The following IFNAR2 variants were observed in gnomAD, a reference collection of about 807,000 sequenced individuals.
IFNAR2 encodes interferon alpha and beta receptor subunit 2, also known as interferon alpha/beta receptor 2.
A neutral mutation model predicts 49.4 loss-of-function variants in IFNAR2; 30 were observed. That is an observed-to-expected ratio of 0.61 (90% CI 0.45 to 0.82). The LOEUF is 0.82. Among genes scored for constraint, IFNAR2 ranks in the 40% least tolerant of loss-of-function variants. The pLI is 0.00. For missense variants in IFNAR2, 600 were observed against 622.7 expected (o/e 0.96, Z 0.39); for synonymous variants, 224 against 234.5 (o/e 0.96, Z 0.41).
chr21:33,258,901 C>G (rs1988389109), intron 7 of IFNAR2, among the ~76,000 whole-genome samples: 1 of 152,106 alleles, frequency 6.6e-6, no homozygotes, highest in Non-Finnish European at 1.5e-5. Context: ...CATCCACATG[C>G]CTTGAAGTGG....
intron 8 of IFNAR2, 159 bp from the exon 9 acceptor site, chr21:33,262,634 C>T (rs539830617): frequency 6.8e-5 from 70 of 1,029,622 alleles, no homozygotes; most frequent in Non-Finnish European, 1.1e-4. Context: ...CAGTCTGAAA[C>T]TCCTGAGCTC....
intron 1 of IFNAR2, among the ~76,000 whole-genome samples, chr21:33,234,972 A>G (rs1243925223): frequency 6.6e-6 from 1 of 152,244 alleles, no homozygotes; most frequent in East Asian, 1.9e-4. Context: ...TGGATTATTC[A>G]TAAGTTGTCT....
Position 33,263,206 on chromosome 21 carries a change from G to A in IFNAR2, c.1254G>A (p.Gly418=), listed in dbSNP as rs759497419. The change falls in exon 9 of 9, where the codon GGG becomes GGA. Residue 418 remains glycine (G), a synonymous_variant. Coordinates refer to ENST00000342136, the MANE Select transcript of IFNAR2 (RefSeq NM_001289125.3). ...EEDYSSTEGS[G]GRITFNVDLN... ...ACTACAGCTCCACGGAGGGGTCTGGGGGCAGAATTACCTTCAATGTGGACT... is the reference window on the plus strand; with the variant it reads ...ACTACAGCTCCACGGAGGGGTCTGGAGGCAGAATTACCTTCAATGTGGACT... The A allele has an allele frequency of 1.5e-5, 24 of 1,614,056 alleles. No individual in the cohort carries two copies. The Admixed American group carries it at 3.7e-4, about 25-fold the overall frequency.
intron 5 of IFNAR2, 89 bp downstream of exon 5, chr21:33,246,979 G>A: frequency 9.0e-7 from 1 of 1,116,878 alleles, no homozygotes; most frequent in Non-Finnish European, 1.3e-6. Flanking sequence ...CTACAAAGGT[G>A]TTTTAGACCT....
At chr21:33,235,622 A>G (rs1411815324) in intron 1 of IFNAR2, among the ~76,000 whole-genome samples, 1 of 152,148 alleles carries the variant, frequency 6.6e-6, no homozygotes, top group Admixed American at 6.5e-5. Flanking sequence ...TTGCTATTTA[A>G]TATCATTCTA....
rs879854017 is a variant in IFNAR2 at position 33,263,673 on chromosome 21, C to T, written c.*173C>T. ...CTATGCACATTCCCAGTATGGGGAC[C>T]ATAGTATCATTCAGTGCATTGTTTA... On this transcript the variant is annotated 3_prime_UTR_variant, in exon 9 of 9. Transcript: ENST00000342136. The T allele has an allele frequency of 8.1e-6, 5 of 614,532 alleles. No homozygotes were observed. Among genetic ancestry groups the T allele is most frequent in the Non-Finnish European group, 1.4e-5 (5 of 352,434 alleles). 38.1% of individuals were successfully genotyped at this position (614,532 alleles called of 1,614,324 possible).
At position 33,230,374 on chromosome 21, in the gene IFNAR2, A is replaced by G. The variant is rs2123429915; in HGVS notation, c.-84+158A>G. On this transcript the variant is annotated intron_variant, in intron 1 of 8. Transcript: ENST00000342136. The surrounding 1 kb of genome is among the most constrained non-coding windows in gnomAD (Gnocchi z 5.5). ...CCTGCCCTCCCTCTGCGTCTTGAGT[A>G]TGCGGCTAGTGCGCCCTTCCTCTCT... The G allele has an allele frequency of 3.3e-6, 2 of 609,602 alleles. No homozygotes were observed. The highest frequency in any genetic ancestry group is 2.0e-5 in the African/African-American group (1 of 50,312). The allele number at this position is 609,602 out of a possible 1,614,324, so 37.8% of individuals were successfully genotyped here.
chr21:33,233,916 A>G (rs190954220), intron 1 of IFNAR2, among the ~76,000 whole-genome samples: 3 of 152,252 alleles, frequency 2.0e-5, no homozygotes, highest in East Asian at 3.9e-4. Context: ...GCCAAAAAAA[A>G]AAGAAGTCAG....
At chr21:33,252,098 ATC>A (rs1987892978) in intron 6 of IFNAR2, 2 of 454,792 alleles carry the variant, frequency 4.4e-6, no homozygotes, top group Non-Finnish European at 9.1e-6. Context: ...CTATCTATCT[ATC>A]TATCTATCTA....
chr21:33,260,983 C>T (rs1988529671), intron 8 of IFNAR2, among the ~76,000 whole-genome samples: 1 of 146,726 alleles, frequency 6.8e-6, no homozygotes, highest in African/African-American at 2.5e-5. Context: ...CATATATATA[C>T]ATGTGCAGTT....
chr21:33,261,671 T>C (rs1988579298), intron 8 of IFNAR2, among the ~76,000 whole-genome samples: 1 of 151,936 alleles, frequency 6.6e-6, no homozygotes, highest in Admixed American at 6.6e-5. Flanking sequence ...GCCCAGGAGT[T>C]TGAGACCAGC....
chr21:33,244,262 G>A lies in IFNAR2; in HGVS notation c.97+548G>A, dbSNP rs200018495. ...TTCAGTGATCTTTAAAAATTTAACC[G>A]TATAAGGCAGAATTTGGCAAGTCTG... On this transcript the variant is annotated intron_variant, in intron 3 of 8. Coordinates refer to ENST00000342136, the MANE Select transcript of IFNAR2 (RefSeq NM_001289125.3). 1.6e-4 allele frequency among the ~76,000 whole-genome samples: 24 copies of A among 152,258 alleles called. No homozygotes were observed. In the East Asian group the frequency reaches 1.7e-3, roughly 11 times the overall value.
intron 8 of IFNAR2, 38 bp from the exon 9 acceptor site, chr21:33,262,755 T>C: frequency 6.3e-7 from 1 of 1,582,170 alleles, no homozygotes; most frequent in East Asian, 2.2e-5. Context: ...ACAGTACAGC[T>C]GATACGGACT....
chr21:33,235,572 T>TTCCACAG (rs1362767385), intron 1 of IFNAR2, among the ~76,000 whole-genome samples: 2 of 152,210 alleles, frequency 1.3e-5, no homozygotes, highest in African/African-American at 4.8e-5. Flanking sequence ...AAGCCTTTTC[T>TTCCACAG]TCCACAGTCT....
chr21:33,263,425 C>T lies in IFNAR2; in HGVS notation c.1473C>T (p.Ser491=), dbSNP rs769426806. 15 of 1,613,996 alleles carry T rather than the reference C, an allele frequency of 9.3e-6. No individual in the cohort carries two copies. The highest frequency in any genetic ancestry group is 1.3e-5 in the African/African-American group (1 of 74,984). ...GCCCCTCTTCAGAGGGCCTGTGGTCCGAAGATGCTCCATCTGATCAAAGTG... is the reference window on the plus strand; with the variant it reads ...GCCCCTCTTCAGAGGGCCTGTGGTCTGAAGATGCTCCATCTGATCAAAGTG... The part of the protein sequence containing the change: ...FPSPSSEGLW[S]EDAPSDQSDT... Residue 491 remains serine, a synonymous_variant, in exon 9 of 9, where the codon TCC becomes TCT. Coordinates refer to ENST00000342136, the MANE Select transcript of IFNAR2 (RefSeq NM_001289125.3).
chr21:33,246,818 A>G lies in IFNAR2; in HGVS notation c.322A>G (p.Thr108Ala). 1 of 1,614,194 alleles carries G rather than the reference A, an allele frequency of 6.2e-7. No homozygotes were observed. Among genetic ancestry groups the G allele is most frequent in the South Asian group, 1.1e-5 (1 of 91,086 alleles). The change falls in exon 5 of 9, where the codon ACC becomes GCC. Residue 108 changes from threonine to alanine, a missense_variant. Physicochemically the swap from Thr to Ala is moderately conservative, Grantham distance 58. Transcript: ENST00000342136. ...GAGAAGCACACACGAGGCCTATGTC[A>G]CCGTCCTAGAAGGATTCAGCGGGAA... ...EWRSTHEAYVTVLEGFSGNTT... is the reference protein window; with the variant it reads ...EWRSTHEAYVAVLEGFSGNTT...
chr21:33,262,324 A>G (rs1039400469), intron 8 of IFNAR2, among the ~76,000 whole-genome samples: 1 of 146,900 alleles, frequency 6.8e-6, no homozygotes, highest in Admixed American at 7.1e-5. Flanking sequence ...AGACCGCACT[A>G]CTGCACTCCA....
At chr21:33,234,782 A>G (rs1986324584) in intron 1 of IFNAR2, 1 of 980,886 alleles carries the variant, frequency 1.0e-6, no homozygotes, top group African/African-American at 1.7e-5. Context: ...GGGAAGCCAC[A>G]TGAGTTGTTG....
chr21:33,243,496 T>C (rs1003092077), intron 2 of IFNAR2, among the ~76,000 whole-genome samples, 177 bp from the exon 3 acceptor site: 1 of 152,210 alleles, frequency 6.6e-6, no homozygotes, highest in African/African-American at 2.4e-5. Flanking sequence ...CCTTGCACCA[T>C]GTGCTGCTGG....
Sources: gnomAD v4.1 joint callset for allele counts (sites outside exome capture counted in the v4.1 genomes callset) on GRCh38, gnomAD v4.1.1 for gene constraint, Gnocchi (gnomAD v3.1) non-coding constraint, MANE v1.5 for transcripts, NCBI Gene and HGNC (gene_info 2026-07-23, HGNC 2026-07-21) for gene names.